TRIM69: variants seen among roughly 807,000 people sequenced by gnomAD.
TRIM69 encodes the protein E3 ubiquitin-protein ligase TRIM69.
Under a neutral mutation model 37.7 loss-of-function variants are expected in TRIM69, and 29 were observed. The ratio of observed to expected loss-of-function variants is 0.77; its 90% CI spans 0.57 to 1.05. The LOEUF is 1.05. TRIM69 is among the 50% of genes least tolerant of loss of function. TRIM69 has a pLI of 0.00. For missense variants in TRIM69, 596 were observed against 579.9 expected (o/e 1.03, Z -0.28); for synonymous variants, 209 against 212.4 (o/e 0.98, Z 0.14).
At chr15:44,764,281 G>A (rs547922220) in intron 6 of TRIM69, among the ~76,000 whole-genome samples, 46 of 152,182 alleles carry the variant, frequency 3.0e-4, no homozygotes, top group African/African-American at 1.1e-3. Context: ...AACCAAATGA[G>A]ATTTATTTAA....
Position 44,740,925 on chromosome 15 carries a change from A to G in TRIM69, c.6+4215A>G, listed in dbSNP as rs529705780. Among the ~76,000 whole-genome samples the G allele has an allele frequency of 1.7e-3, 253 of 152,302 alleles. 1 individual carries two copies. Among genetic ancestry groups the G allele is most frequent in the African/African-American group, 5.9e-3 (247 of 41,552 alleles). On this transcript the variant is annotated intron_variant, in intron 1 of 6. Transcript: ENST00000329464. ...AGATCAACGAGACAGAAAGTTAACA[A>G]GGATACCCAGGAATTGAACTCAGCT...
chr15:44,752,755 T>C (rs2087562024), intron 1 of TRIM69, among the ~76,000 whole-genome samples: 1 of 152,180 alleles, frequency 6.6e-6, no homozygotes, highest in African/African-American at 2.4e-5. Context: ...TTGATTCTTC[T>C]CTTTTCTTTT....
At chr15:44,756,314 T>C in intron 2 of TRIM69, 54 bp from the exon 3 acceptor site, 2 of 1,296,952 alleles carry the variant, frequency 1.5e-6, no homozygotes, top group South Asian at 2.6e-5. Context: ...AGATGTCCTT[T>C]ATGGTCCTTC....
At position 44,767,745 on chromosome 15, in the gene TRIM69, A is replaced by C; in HGVS notation, c.1476A>C (p.Glu492Asp). The C allele has an allele frequency of 1.2e-6, 2 of 1,613,066 alleles. No individual in the cohort carries two copies. Among genetic ancestry groups the C allele is most frequent in the Non-Finnish European group, 1.7e-6 (2 of 1,179,916 alleles). ...PCLNDGGENK[E>D]PLHILHPQ ...TTAATGATGGTGGAGAGAATAAAGA[A>C]CCATTGCACATCTTACATCCACAGT... The change falls in exon 7 of 7, where the codon GAA (glutamate) becomes GAC (aspartate). Residue 492 changes from glutamate to aspartate, a missense_variant. Glu to Asp is a conservative substitution (Grantham distance 45). Transcript: ENST00000329464.
At chr15:44,741,065 AGTAAAG>A (rs1192319616) in intron 1 of TRIM69, among the ~76,000 whole-genome samples, 14 of 150,582 alleles carry the variant, frequency 9.3e-5, no homozygotes, top group South Asian at 2.1e-4. Context: ...CATAGTTGGA[AGTAAAG>A]CTCTCCTCAG....
intron 1 of TRIM69, chr15:44,754,619 CTT>C (rs755252188): frequency 3.8e-4 from 137 of 363,628 alleles, no homozygotes; most frequent in East Asian, 3.1e-4. Context: ...TCAAAAGACA[CTT>C]GGGGAAAGTG....
chr15:44,747,785 T>A (rs536148883), intron 1 of TRIM69, among the ~76,000 whole-genome samples: 1 of 152,266 alleles, frequency 6.6e-6, no homozygotes, highest in African/African-American at 2.4e-5. Flanking sequence ...AAAGTGAGAA[T>A]GTAGACATGG....
chr15:44,741,495 A>C (rs2141308393), intron 1 of TRIM69, among the ~76,000 whole-genome samples: 1 of 152,346 alleles, frequency 6.6e-6, no homozygotes, highest in East Asian at 1.9e-4. Flanking sequence ...AAAGAGACAC[A>C]ATAAACCCTT....
intron 6 of TRIM69, among the ~76,000 whole-genome samples, chr15:44,762,594 A>G (rs1316754287): frequency 2.6e-5 from 4 of 151,596 alleles, no homozygotes; most frequent in East Asian, 3.9e-4. Context: ...AATGGTTTCT[A>G]TTGTTATTCA....
chr15:44,756,285 C>A, intron 2 of TRIM69, 83 bp from the exon 3 acceptor site: 3 of 918,432 alleles, frequency 3.3e-6, no homozygotes, highest in Admixed American at 2.4e-5. Context: ...TTTTTTCTTG[C>A]ACACTGGGGC....
chr15:44,752,373 C>A (rs1277746095), intron 1 of TRIM69, among the ~76,000 whole-genome samples: 1 of 152,062 alleles, frequency 6.6e-6, no homozygotes, highest in African/African-American at 2.4e-5. Context: ...TAATATCCTT[C>A]TTTGTATTCT....
At position 44,755,320 on chromosome 15, in the gene TRIM69, T is replaced by A; in HGVS notation, c.427T>A (p.Ser143Thr). The A allele has an allele frequency of 6.2e-7, 1 of 1,614,082 alleles. No homozygotes were observed. ...CTTTCAATGCAAGGATGCTCGGTTG[T>A]CTGTGGGGCAGTCTAAGGAGTTCCT... ...ICFQCKDARL[S>T]VGQSKEFLQI... The change falls in exon 2 of 7, where the codon TCT becomes ACT. Residue 143 changes from serine (S) to threonine (T), a missense_variant. Ser to Thr is a moderately conservative substitution (Grantham distance 58, BLOSUM62 1). Coordinates refer to ENST00000329464, the MANE Select transcript of TRIM69 (RefSeq NM_182985.5).
intron 1 of TRIM69, among the ~76,000 whole-genome samples, chr15:44,743,686 A>T (rs2141312280): frequency 6.6e-6 from 1 of 152,376 alleles, no homozygotes; most frequent in African/African-American, 2.4e-5. Context: ...ACATTTATGC[A>T]GCCAAAATCA....
At position 44,758,375 on chromosome 15, in the gene TRIM69, C is replaced by T. The variant is rs2087697947; in HGVS notation, c.580-246C>T. On this transcript the variant is annotated intron_variant, in intron 3 of 6. Transcript: ENST00000329464. ...TTTAATATGGCATTGGTTACCATCT[C>T]AGTACTGCAATAGGAAACTGGAGGT... is the stretch of plus-strand genomic sequence containing the variant. The T allele has an allele frequency of 5.6e-5, 33 of 585,638 alleles. No homozygotes were observed. In the South Asian group the frequency reaches 7.0e-4, roughly 12 times the overall value. 36.3% of individuals were successfully genotyped at this position (585,638 alleles called of 1,614,324 possible).
At chr15:44,760,632 A>G (rs936048295) in intron 6 of TRIM69, among the ~76,000 whole-genome samples, 1 of 152,160 alleles carries the variant, frequency 6.6e-6, no homozygotes, top group Non-Finnish European at 1.5e-5. Context: ...ATACTGAGAT[A>G]TAGTTAACAT....
At position 44,762,127 on chromosome 15, in the gene TRIM69, G is replaced by A. The variant is rs183882960; in HGVS notation, c.961+2255G>A. On this transcript the variant is annotated intron_variant, in intron 6 of 6. Coordinates refer to ENST00000329464, the MANE Select transcript of TRIM69 (RefSeq NM_182985.5). ...ACTACAGGTGCCCGCCACCACGCCC[G>A]GCTAATTTTTTTGCATTTTTAGTAG... Among the ~76,000 whole-genome samples, 80 of 152,062 alleles carry A rather than the reference G, an allele frequency of 5.3e-4. 3 individuals are homozygous for A. In the East Asian group the frequency reaches 0.013, roughly 25 times the overall value.
At chr15:44,765,943 T>C (rs1363409814) in intron 6 of TRIM69, among the ~76,000 whole-genome samples, 1 of 152,200 alleles carries the variant, frequency 6.6e-6, no homozygotes, top group East Asian at 1.9e-4. Context: ...GGTCCAATGA[T>C]CTCACATCTG....
intron 1 of TRIM69, chr15:44,753,046 A>G (rs1246697060): frequency 2.0e-5 from 3 of 152,190 alleles, no homozygotes; most frequent in Non-Finnish European, 4.4e-5. Context: ...GGAGTTAGAA[A>G]CCAAAAACTG....
At chr15:44,760,438 TA>T (rs1459873404) in intron 6 of TRIM69, among the ~76,000 whole-genome samples, 2 of 152,122 alleles carry the variant, frequency 1.3e-5, no homozygotes, top group African/African-American at 4.8e-5. Flanking sequence ...GAACATCAAA[TA>T]AAGTTCTAAA....
Sources: allele counts gnomAD v4.1 joint callset (sites outside exome capture counted in the v4.1 genomes callset), GRCh38; gene constraint gnomAD v4.1.1; transcripts MANE v1.5; gene names NCBI Gene and HGNC (gene_info 2026-07-23, HGNC 2026-07-21).